ANLN: variants seen among roughly 807,000 people sequenced by gnomAD.
The protein encoded by ANLN is anillin.
A neutral mutation model predicts 135.1 loss-of-function variants in ANLN; 59 were observed. That is an observed-to-expected ratio of 0.44 (90% CI 0.35 to 0.54). The LOEUF (loss-of-function observed/expected upper bound fraction) is 0.54. ANLN is among the 20% of genes least tolerant of loss of function. The pLI, the probability that ANLN is intolerant of heterozygous loss-of-function variation, is 0.00. For synonymous variants in ANLN, 406 were observed against 456.4 expected (o/e 0.89, Z 1.41); for missense variants, 1,182 against 1,340.0 (o/e 0.88, Z 1.84).
In ANLN at chr7:36,389,875, G is replaced by A. The variant is rs896116070; in HGVS notation, c.-152G>A. ...GCTGCAGAGGCCGAGTCCGTCACTG[G>A]AAGCCGAGAGGAGAGGACAGCTGGT... On this transcript the variant is annotated 5_prime_UTR_variant, in exon 1 of 24. Coordinates refer to ENST00000265748, the MANE Select transcript of ANLN (RefSeq NM_018685.5). The A allele has an allele frequency of 2.1e-6, 3 of 1,396,916 alleles. No individual in the cohort carries two copies. Among genetic ancestry groups the A allele is most frequent in the Non-Finnish European group, 3.0e-6 (3 of 1,002,230 alleles). 86.5% of individuals were successfully genotyped at this position (1,396,916 alleles called of 1,614,324 possible).
Position 36,399,100 on chromosome 7 carries a change from C to T in ANLN, c.194C>T (p.Ser65Leu), listed in dbSNP as rs3735400. ...GGEEKSCTKP[S>L]PSKKRCSDNT... ...GTAGAGAAATCTTGTACAAAACCAT[C>T]GCCATCAAAAAAACGCTGTTCTGAC... Residue 65 changes from serine to leucine, a missense_variant, in exon 3 of 24, where the codon TCG (serine) becomes TTG (leucine). Transcript: ENST00000265748. 3 of 1,608,678 alleles carry T rather than the reference C, an allele frequency of 1.9e-6. No homozygotes were observed. The highest frequency in any genetic ancestry group is 1.7e-5 in the Admixed American group (1 of 59,366).
intron 2 of ANLN, among the ~76,000 whole-genome samples, chr7:36,397,185 G>A (rs1255000423): frequency 1.3e-5 from 2 of 152,002 alleles, no homozygotes; most frequent in South Asian, 2.1e-4. Context: ...AGTGTACATG[G>A]GGCTAGCTCA....
In ANLN at chr7:36,427,028, G is replaced by A; in HGVS notation, c.2883G>A (p.Lys961=). ...GAAATACTAAGTTTGTTCTGGACAA[G>A]GTAATCCAACTTTATTTCTAAGGGT... ...SVGNTKFVLD[K]VPFLSSLEGH... is the part of the protein sequence containing the mutation. The change falls in exon 20 of 24, where the codon AAG becomes AAA. Residue 961 remains lysine (K), a splice_region_variant and synonymous_variant. Transcript: ENST00000265748. The A allele has an allele frequency of 6.3e-7, 1 of 1,577,678 alleles. No homozygotes were observed. The highest frequency in any genetic ancestry group is 8.6e-7 in the Non-Finnish European group (1 of 1,159,792).
At position 36,410,579 on chromosome 7, in the gene ANLN, A is replaced by G; in HGVS notation, c.1162A>G (p.Ser388Gly). The G allele has an allele frequency of 6.2e-7, 1 of 1,614,080 alleles. No homozygotes were observed. Residue 388 changes from serine to glycine, a missense_variant, in exon 6 of 24, where the codon AGT becomes GGT. By Grantham distance (56) the Ser-to-Gly change is moderately conservative. This residue lies in a region of ANLN where 1,022 missense variants were observed against 1,134.0 expected (regional missense o/e 0.90). Transcript: ENST00000265748. ...GCGTTGTCAAGAACATAGCAAAGAAAGTCCAGCTCGTAGCACACCCCACAG... is the reference window on the plus strand; with the variant it reads ...GCGTTGTCAAGAACATAGCAAAGAAGGTCCAGCTCGTAGCACACCCCACAG... Reference protein sequence around the residue: ...GERCQEHSKESPARSTPHRTP... With the variant: ...GERCQEHSKEGPARSTPHRTP...
In ANLN at chr7:36,425,732, A is replaced by T. The variant is rs773706148; in HGVS notation, c.2740A>T (p.Ile914Leu). The stretch of plus-strand genomic sequence containing the variant: ...TACTCCAAAGCGACTCCTCACATCT[A>T]TAACCACAGTAAGTAGAATTTTTGA... ...AITPKRLLTS[I>L]TTKSNIHSSV... Residue 914 changes from isoleucine (I) to leucine (L), a missense_variant, in exon 18 of 24, where the codon ATA becomes TTA. Ile to Leu is a conservative substitution (Grantham distance 5). Coordinates refer to ENST00000265748, the MANE Select transcript of ANLN (RefSeq NM_018685.5). 1 of 1,612,134 alleles carries T rather than the reference A, an allele frequency of 6.2e-7. No homozygotes were observed.
At chr7:36,414,942 T>G (rs1034344054) in intron 7 of ANLN, among the ~76,000 whole-genome samples, 1 of 152,206 alleles carries the variant, frequency 6.6e-6, no homozygotes, top group African/African-American at 2.4e-5. Context: ...CATAGAGGGT[T>G]ATTGAGAAGA....
chr7:36,420,555 G>A, intron 11 of ANLN, 42 bp from the exon 12 acceptor site: 1 of 1,534,490 alleles, frequency 6.5e-7, no homozygotes, highest in Non-Finnish European at 9.0e-7. Context: ...AGTGCTCAGT[G>A]TGTTGCTGGA....
chr7:36,402,733 C>T (rs1384768042), intron 3 of ANLN, among the ~76,000 whole-genome samples: 2 of 152,124 alleles, frequency 1.3e-5, no homozygotes, highest in Non-Finnish European at 2.9e-5. Flanking sequence ...CCTCTGCTTT[C>T]TATACATTTT....
At position 36,423,780 on chromosome 7, in the gene ANLN, G is replaced by T. The variant is rs761546157; in HGVS notation, c.2477-37G>T. ...ATGCTGATTAGCTAAATCTGATTTT[G>T]CTTGTGCTTACTATGTAATATGATT... On this transcript the variant is annotated intron_variant, in intron 14 of 23. Coordinates refer to ENST00000265748, the MANE Select transcript of ANLN (RefSeq NM_018685.5). 5.1e-6 allele frequency: 8 copies of T among 1,569,460 alleles called. No individual in the cohort carries two copies. The South Asian group carries it at 9.3e-5, about 18-fold the overall frequency.
intron 1 of ANLN, among the ~76,000 whole-genome samples, chr7:36,391,782 C>T (rs1786476395): frequency 6.6e-6 from 1 of 152,200 alleles, no homozygotes; most frequent in African/African-American, 2.4e-5. Context: ...ACCCTACAAA[C>T]ATAGGAAATA....
chr7:36,427,130 G>T (rs1386069534), intron 20 of ANLN, 102 bp downstream of exon 20: 1 of 688,834 alleles, frequency 1.5e-6, no homozygotes, highest in Non-Finnish European at 2.4e-6. Flanking sequence ...TGAAATCTTC[G>T]ACTGAAAACA....
intron 7 of ANLN, among the ~76,000 whole-genome samples, chr7:36,413,609 A>C (rs373823559): frequency 4.6e-5 from 7 of 152,362 alleles, no homozygotes; most frequent in African/African-American, 1.7e-4. Context: ...AATTCTGAAC[A>C]CAGTAACAGT....
At chr7:36,396,736 T>C (rs542129266) in intron 2 of ANLN, among the ~76,000 whole-genome samples, 5 of 152,348 alleles carry the variant, frequency 3.3e-5, no homozygotes, top group African/African-American at 1.2e-4. Context: ...CTTACAGTAG[T>C]GTGTAGTTTT....
At chr7:36,440,475 T>A (rs562201126) in intron 21 of ANLN, among the ~76,000 whole-genome samples, 1 of 152,064 alleles carries the variant, frequency 6.6e-6, no homozygotes, top group East Asian at 1.9e-4. Flanking sequence ...GCACAGGAGC[T>A]TGGAAACTCT....
intron 1 of ANLN, among the ~76,000 whole-genome samples, chr7:36,391,613 C>T (rs1024553660): frequency 3.3e-5 from 5 of 152,134 alleles, no homozygotes; most frequent in Admixed American, 6.5e-5. Flanking sequence ...TTATAGCATT[C>T]ATAACATTTG....
intron 20 of ANLN, among the ~76,000 whole-genome samples, chr7:36,436,905 A>C (rs573779956): frequency 6.6e-6 from 1 of 152,208 alleles, no homozygotes; most frequent in Non-Finnish European, 1.5e-5. Context: ...ATAATTGACA[A>C]ATATTTCAAA....
chr7:36,400,342 C>T lies in ANLN; in HGVS notation c.487+949C>T, dbSNP rs10227150. Among the ~76,000 whole-genome samples, 783 of 152,236 alleles carry T rather than the reference C, an allele frequency of 5.1e-3. 8 individuals carry two copies. Among genetic ancestry groups the T allele is most frequent in the African/African-American group, 0.018 (753 of 41,556 alleles). ...CAGGCAGATGTCCTGGCTCCAAGCT[C>T]AGTAAAAGCATTTCTTTTTTCTTTT... On this transcript the variant is annotated intron_variant, in intron 3 of 23. Transcript: ENST00000265748.
rs766081310 is a variant in ANLN at position 36,419,385 on chromosome 7, C to T, written c.1775C>T (p.Ala592Val). ...KSQEEMDQAL[A>V]ESSEEQEDAL... ...CAAGAGGAGATGGATCAAGCATTAG[C>T]AGAAAGCAGCGAAGAACAGGAAGAT... The change falls in exon 10 of 24, where the codon GCA (alanine) becomes GTA (valine). Residue 592 changes from alanine to valine, a missense_variant. Coordinates refer to ENST00000265748, the MANE Select transcript of ANLN (RefSeq NM_018685.5). 6.2e-7 allele frequency: 1 copy of T among 1,613,984 alleles called. No homozygotes were observed. Among genetic ancestry groups the T allele is most frequent in the African/African-American group, 1.3e-5 (1 of 74,916 alleles).
intron 3 of ANLN, among the ~76,000 whole-genome samples, chr7:36,403,960 C>T (rs1187672821): frequency 6.6e-6 from 1 of 151,900 alleles, no homozygotes; most frequent in Non-Finnish European, 1.5e-5. Context: ...CCGCTCCTTG[C>T]CGGGATGTTT....
Sources: gnomAD v4.1 joint callset for allele counts (sites outside exome capture counted in the v4.1 genomes callset) on GRCh38, gnomAD v4.1.1 for gene constraint, gnomAD v4.1.1 regional missense constraint, MANE v1.5 for transcripts, NCBI Gene and HGNC (gene_info 2026-07-23, HGNC 2026-07-21) for gene names.